The following CFAP161 variants were observed in gnomAD, a reference collection of about 807,000 sequenced individuals.
CFAP161 encodes the protein cilia and flagella associated protein 161.
In CFAP161, 25 loss-of-function variants were observed where a neutral mutation model predicts 29.0. That is an observed-to-expected ratio of 0.86 (90% confidence interval 0.63 to 1.20). The LOEUF is 1.20. Ranked by LOEUF, CFAP161 falls within the 50% of genes most tolerant of loss-of-function variation. CFAP161 has a pLI of 0.00. For missense variants in CFAP161, 367 were observed against 371.9 expected (o/e 0.99, Z 0.11); for synonymous variants, 116 against 137.4 (o/e 0.84, Z 1.09).
At chr15:81,104,764 C>T (rs1015455289) in intron 1 of CFAP161, among the ~76,000 whole-genome samples, 4 of 152,208 alleles carry the variant, frequency 2.6e-5, no homozygotes, top group African/African-American at 9.7e-5. Flanking sequence ...CCAGGCATCC[C>T]TGTAGGCTTC....
At chr15:81,139,929 T>A (rs778508948) in intron 4 of CFAP161, among the ~76,000 whole-genome samples, 2 of 152,338 alleles carry the variant, frequency 1.3e-5, no homozygotes, top group South Asian at 4.1e-4. Context: ...AAAACTTTGC[T>A]AATTTGACAA....
At chr15:81,131,866 A>G (rs1243809955), upstream of CFAP161, among the ~76,000 whole-genome samples, 3 of 152,206 alleles carry the variant, frequency 2.0e-5, no homozygotes, top group Non-Finnish European at 2.9e-5. Context: ...AAAGAGGTCA[A>G]TATCCAAATA....
At chr15:81,118,839 GAGA>G (rs1352021735) in intron 1 of CFAP161, among the ~76,000 whole-genome samples, 1 of 151,444 alleles carries the variant, frequency 6.6e-6, no homozygotes. Context: ...ATCAGGTAGG[GAGA>G]AGAAGCAATT....
intron 3 of CFAP161, 86 bp from the exon 4 acceptor site, chr15:81,137,965 A>G: frequency 1.0e-6 from 1 of 981,838 alleles, no homozygotes; most frequent in Non-Finnish European, 1.6e-6. Context: ...GATTATAAAC[A>G]AAATTGCATG....
In CFAP161 at chr15:81,102,916, T is replaced by C. The variant is rs533327690; in HGVS notation, c.-141-24674T>C. On this transcript the variant is annotated intron_variant, in intron 1 of 4. Coordinates refer to the CFAP161 transcript ENST00000560091. ...ATGGGGTTGAATCAATGAGGAAGTT[T>C]TATAGACATAGAACATCCAAAAGAT... Among the ~76,000 whole-genome samples the C allele has an allele frequency of 9.9e-5, 15 of 152,280 alleles. No individual in the cohort carries two copies. The East Asian group carries it at 2.7e-3, about 27-fold the overall frequency.
upstream of CFAP161, among the ~76,000 whole-genome samples, chr15:81,132,382 G>C (rs1491000443): frequency 1.3e-5 from 2 of 152,254 alleles, no homozygotes; most frequent in Admixed American, 6.5e-5. Flanking sequence ...TCCAGAAAAA[G>C]CATCTTATTA....
Position 81,136,858 on chromosome 15 carries a change from A to G in CFAP161, c.392+110A>G. The G allele has an allele frequency of 4.8e-6, 4 of 842,028 alleles. No homozygotes were observed. The South Asian group carries it at 7.2e-5, about 15-fold the overall frequency. The allele number at this position is 842,028 out of a possible 1,614,324, so 52.2% of individuals were successfully genotyped here. A position where few individuals can be genotyped will look rare whatever the true frequency, so the allele number is the denominator to read the frequency against. On this transcript the variant is annotated intron_variant, in intron 3 of 6. Transcript: ENST00000286732. ...GAGTGGAGGGAAAGGTTTTGTGAAC[A>G]TTTTTCGTGATTTTCATCTTGCTTT...
At chr15:81,144,878 C>T (rs546905388) in intron 5 of CFAP161, among the ~76,000 whole-genome samples, 3 of 152,174 alleles carry the variant, frequency 2.0e-5, no homozygotes, top group African/African-American at 7.2e-5. Flanking sequence ...AGTGGTCCTG[C>T]AGGACGGCAT....
At chr15:81,112,528 T>C (rs1894451076) in intron 1 of CFAP161, among the ~76,000 whole-genome samples, 1 of 152,042 alleles carries the variant, frequency 6.6e-6, no homozygotes, top group Non-Finnish European at 1.5e-5. Flanking sequence ...ATAATAAAAC[T>C]ATATAAAAAG....
At chr15:81,136,330 T>G (rs528150370) in intron 2 of CFAP161, among the ~76,000 whole-genome samples, 186 bp from the exon 3 acceptor site, 1 of 152,284 alleles carries the variant, frequency 6.6e-6, no homozygotes, top group South Asian at 2.1e-4. Flanking sequence ...TCGACTTCAT[T>G]TGGAATTATT....
chr15:81,110,286 A>T (rs1894424393), intron 1 of CFAP161, among the ~76,000 whole-genome samples: 1 of 152,210 alleles, frequency 6.6e-6, no homozygotes, highest in Non-Finnish European at 1.5e-5. Context: ...GCAAAAATTT[A>T]AAAAATTTTC....
chr15:81,114,841 T>C (rs1319900575), intron 1 of CFAP161, among the ~76,000 whole-genome samples: 1 of 152,082 alleles, frequency 6.6e-6, no homozygotes, highest in East Asian at 1.9e-4. Flanking sequence ...TTTTTTGTAT[T>C]TTTAGTAGAG....
At chr15:81,117,770 C>T (rs1268109238) in intron 1 of CFAP161, 1 of 299,710 alleles carries the variant, frequency 3.3e-6, no homozygotes. Flanking sequence ...TCCTCGCTGA[C>T]TTCATCTTTG....
At chr15:81,138,970 C>CGTT (rs569761770) in intron 4 of CFAP161, among the ~76,000 whole-genome samples, 92 of 152,168 alleles carry the variant, frequency 6.0e-4, no homozygotes, top group South Asian at 1.2e-3. Context: ...TATGATGTAG[C>CGTT]GTTATTATTA....
At chr15:81,112,971 CT>C (rs1409736788) in intron 1 of CFAP161, among the ~76,000 whole-genome samples, 26 of 152,152 alleles carry the variant, frequency 1.7e-4, no homozygotes, top group African/African-American at 6.3e-4. Flanking sequence ...CTGTTTTAAT[CT>C]TGGCTTTGAG....
Position 81,123,377 on chromosome 15 carries a change from C to T in CFAP161, c.-141-4213C>T, listed in dbSNP as rs147265397. Among the ~76,000 whole-genome samples, 1,004 of 152,212 alleles carry T rather than the reference C, an allele frequency of 6.6e-3. 3 individuals are homozygous for T. Among genetic ancestry groups the T allele is most frequent in the Non-Finnish European group, 0.01 (684 of 68,002 alleles). ...GTGCGGTCTTATTTCTGGGTTCTCT[C>T]TTCTGTTCCATTGGTCCATGTGTCT... is the stretch of plus-strand genomic sequence containing the variant. On this transcript the variant is annotated intron_variant, in intron 1 of 4. Transcript: ENST00000560091.
chr15:81,119,738 G>T (rs1237561362), intron 1 of CFAP161, among the ~76,000 whole-genome samples: 1 of 151,932 alleles, frequency 6.6e-6, no homozygotes, highest in African/African-American at 2.4e-5. Context: ...ACCTGCCAAA[G>T]ACATTAAAAG....
intron 5 of CFAP161, among the ~76,000 whole-genome samples, chr15:81,144,966 G>A (rs749109123): frequency 1.3e-5 from 2 of 152,088 alleles, no homozygotes; most frequent in Non-Finnish European, 2.9e-5. Context: ...TGGTCCTGAC[G>A]GGAAGGTGGG....
intron 4 of CFAP161, among the ~76,000 whole-genome samples, chr15:81,140,682 C>T (rs768826666): frequency 8.5e-5 from 13 of 152,062 alleles, no homozygotes; most frequent in Non-Finnish European, 1.5e-4. Flanking sequence ...CCTCAGCCTC[C>T]TGAGTAGCTG....
Sources: allele counts gnomAD v4.1 joint callset (sites outside exome capture counted in the v4.1 genomes callset), GRCh38; gene constraint gnomAD v4.1.1; transcripts MANE v1.5; gene names NCBI Gene and HGNC (gene_info 2026-07-23, HGNC 2026-07-21).